Variants in WWOX observed in about 807,000 individuals in gnomAD.
The protein encoded by WWOX is WW domain containing oxidoreductase.
A neutral mutation model predicts 46.2 loss-of-function variants in WWOX; 69 were observed. The observed-to-expected ratio is 1.49, with a 90% confidence interval of 1.23 to 1.82. The LOEUF (loss-of-function observed/expected upper bound fraction) is 1.82. Ranked by LOEUF, WWOX falls within the 40% of genes most tolerant of loss-of-function variation. WWOX has a pLI of 0.00. For synonymous variants in WWOX, 359 were observed against 202.6 expected, an observed-to-expected ratio of 1.77 and a Z score of -6.56; for missense variants, 919 against 542.6, an observed-to-expected ratio of 1.69 and a Z score of -6.89.
chr16:78,853,660 G>A (rs1459182241), intron 8 of WWOX, among the ~76,000 whole-genome samples: 1 of 152,066 alleles, frequency 6.6e-6, no homozygotes, highest in African/African-American at 2.4e-5. Flanking sequence ...GAGAAGAGGG[G>A]CGGATAAATA....
chr16:78,490,659 A>G (rs976573124), intron 8 of WWOX, among the ~76,000 whole-genome samples: 3 of 152,174 alleles, frequency 2.0e-5, no homozygotes, highest in African/African-American at 4.8e-5. Context: ...TGACTTGGAA[A>G]GCACCCACGT....
chr16:79,086,580 G>A (rs1022816802), intron 8 of WWOX, among the ~76,000 whole-genome samples: 10 of 152,138 alleles, frequency 6.6e-5, no homozygotes, highest in Non-Finnish European at 1.5e-4. Flanking sequence ...CTGGGGTGTG[G>A]ATAAAGAATT....
intron 5 of WWOX, among the ~76,000 whole-genome samples, chr16:78,321,753 G>C (rs930755385): frequency 1.3e-5 from 2 of 152,194 alleles, no homozygotes; most frequent in Admixed American, 1.3e-4. Context: ...CCTGGCGTCA[G>C]CACACACATC....
At chr16:78,821,865 A>G (rs2051505477) in intron 8 of WWOX, among the ~76,000 whole-genome samples, 1 of 152,100 alleles carries the variant, frequency 6.6e-6, no homozygotes, top group Non-Finnish European at 1.5e-5. Context: ...TCCAATTCCC[A>G]TCTTCAAATA....
At chr16:78,141,904 A>G (rs1457725559) in intron 4 of WWOX, among the ~76,000 whole-genome samples, 1 of 152,120 alleles carries the variant, frequency 6.6e-6, no homozygotes, top group Non-Finnish European at 1.5e-5. Flanking sequence ...AGTTGAATCT[A>G]AGAGCTAGGG....
intron 8 of WWOX, among the ~76,000 whole-genome samples, chr16:78,481,634 T>TG (rs200105424): frequency 0.016 from 1,850 of 118,792 alleles, 40 homozygotes; most frequent in African/African-American, 0.06. Context: ...GATGGAATTG[T>TG]GAAAAAAAAA....
chr16:78,210,170 A>G (rs565847244), intron 5 of WWOX, among the ~76,000 whole-genome samples: 1 of 152,314 alleles, frequency 6.6e-6, no homozygotes. Flanking sequence ...ATTTATAAAG[A>G]CTTGCTTCAA....
intron 8 of WWOX, among the ~76,000 whole-genome samples, chr16:78,730,693 C>A (rs983785507): frequency 4.0e-5 from 6 of 149,426 alleles, no homozygotes; most frequent in Non-Finnish European, 7.4e-5. Flanking sequence ...CTCCTGGGCT[C>A]AAGCGATACT....
chr16:78,939,657 A>G (rs532306998), intron 8 of WWOX, among the ~76,000 whole-genome samples: 1 of 152,378 alleles, frequency 6.6e-6, no homozygotes, highest in East Asian at 1.9e-4. Context: ...ATTATTAAAA[A>G]TTATCAAAAG....
chr16:78,220,855 T>G (rs1208978564), intron 5 of WWOX, among the ~76,000 whole-genome samples: 2 of 152,336 alleles, frequency 1.3e-5, no homozygotes, highest in Admixed American at 6.5e-5. Flanking sequence ...TTCTGTTACC[T>G]GGTATTCACT....
intron 8 of WWOX, among the ~76,000 whole-genome samples, chr16:78,707,291 C>T (rs904796721): frequency 3.9e-5 from 6 of 152,162 alleles, no homozygotes; most frequent in African/African-American, 1.4e-4. Flanking sequence ...AACGTACATG[C>T]AAAAATCTCT....
At chr16:78,893,176 T>G (rs528190597) in intron 8 of WWOX, among the ~76,000 whole-genome samples, 10 of 150,864 alleles carry the variant, frequency 6.6e-5, no homozygotes, top group African/African-American at 2.4e-4. Flanking sequence ...GACTATGAGA[T>G]GGAATGACTA....
chr16:79,052,614 A>G (rs2550681), intron 8 of WWOX, among the ~76,000 whole-genome samples: 95,752 of 152,000 alleles, frequency 0.63, 31,258 homozygotes, highest in African/African-American at 0.79. Context: ...AGCCAGTCGG[A>G]ACAAATACAG....
chr16:79,027,740 TC>T (rs2047674641), intron 8 of WWOX, among the ~76,000 whole-genome samples: 1 of 133,854 alleles, frequency 7.5e-6, no homozygotes, highest in Middle Eastern at 4.1e-3. Context: ...ACAGAATGTC[TC>T]TTTTTTGATT....
chr16:78,812,631 C>T (rs1193932898), intron 8 of WWOX, among the ~76,000 whole-genome samples: 2 of 151,922 alleles, frequency 1.3e-5, no homozygotes, highest in Non-Finnish European at 2.9e-5. Flanking sequence ...GAGGCTGACG[C>T]GCGAGAATCA....
chr16:78,712,168 G>A (rs1942946226), intron 8 of WWOX, among the ~76,000 whole-genome samples: 1 of 152,098 alleles, frequency 6.6e-6, no homozygotes, highest in African/African-American at 2.4e-5. Context: ...GAAATGTTAT[G>A]TGGGATAGGC....
At chr16:78,537,971 A>C (rs2043799538) in intron 8 of WWOX, among the ~76,000 whole-genome samples, 1 of 152,066 alleles carries the variant, frequency 6.6e-6, no homozygotes, top group Non-Finnish European at 1.5e-5. Context: ...ATAATCAGTA[A>C]ATGAAATTCA....
intron 4 of WWOX, among the ~76,000 whole-genome samples, chr16:78,158,413 A>C (rs921721668): frequency 6.6e-6 from 1 of 152,008 alleles, no homozygotes; most frequent in African/African-American, 2.4e-5. Flanking sequence ...TTTAGTTTAG[A>C]GCAATGGGTT....
chr16:78,424,975 C>A lies in WWOX; in HGVS notation c.711C>A (p.Phe237Leu), dbSNP rs769589145. ...TTCAAGTGAATCATCTGGGGCACTT[C>A]TACCTTGTCCAGCTCCTCCAGGATG... is the stretch of plus-strand genomic sequence containing the variant. ...TTFQVNHLGH[F>L]YLVQLLQDVL... The change falls in exon 7 of 9, where the codon TTC becomes TTA. Residue 237 changes from phenylalanine (F) to leucine (L), a missense_variant. Phe to Leu is a conservative substitution (Grantham distance 22, BLOSUM62 0). Transcript: ENST00000566780. 5.0e-6 allele frequency: 8 copies of A among 1,614,076 alleles called. No individual in the cohort carries two copies. The African/African-American group carries it at 1.1e-4, about 22-fold the overall frequency.
Sources: gnomAD v4.1 joint callset for allele counts (sites outside exome capture counted in the v4.1 genomes callset) on GRCh38, gnomAD v4.1.1 for gene constraint, MANE v1.5 for transcripts, NCBI Gene and HGNC (gene_info 2026-07-23, HGNC 2026-07-21) for gene names.